The following HMGB1 variants were observed in gnomAD, a reference collection of about 807,000 sequenced individuals.
HMGB1 encodes the protein high mobility group protein B1.
For synonymous variants in HMGB1, 81 were observed against 84.0 expected (o/e 0.96, Z 0.19); for missense variants, 79 against 253.5 (o/e 0.31, Z 4.67).
intron 1 of HMGB1, among the ~76,000 whole-genome samples, chr13:30,579,361 A>G (rs2137541251): frequency 6.6e-6 from 1 of 152,358 alleles, no homozygotes; most frequent in African/African-American, 2.4e-5. Context: ...GTGTACCTGT[A>G]TATTGGACTG....
intron 1 of HMGB1, among the ~76,000 whole-genome samples, chr13:30,577,005 G>A (rs996591985): frequency 1.3e-5 from 2 of 152,130 alleles, no homozygotes; most frequent in African/African-American, 4.8e-5. Flanking sequence ...GGTTCAGTGA[G>A]GTCAAAGGTG....
chr13:30,562,764 G>A (rs1254967821), intron 1 of HMGB1, among the ~76,000 whole-genome samples: 1 of 152,212 alleles, frequency 6.6e-6, no homozygotes, highest in Admixed American at 6.5e-5. Context: ...GGGTTGGTTG[G>A]AGACGGTACG....
intron 1 of HMGB1, among the ~76,000 whole-genome samples, chr13:30,499,288 G>A (rs545977058): frequency 2.8e-4 from 42 of 152,252 alleles, no homozygotes; most frequent in African/African-American, 9.1e-4. Context: ...TCTTCGCCCC[G>A]AAGATGGGTT....
chr13:30,474,854 G>GT (rs1275635810), intron 1 of HMGB1, among the ~76,000 whole-genome samples: 2,072 of 67,616 alleles, frequency 0.031, 52 homozygotes, highest in African/African-American at 0.093. Flanking sequence ...CTCTTTTTTT[G>GT]TTTTTTTTTT....
chr13:30,522,993 C>T (rs562396561), intron 1 of HMGB1, among the ~76,000 whole-genome samples: 4 of 152,144 alleles, frequency 2.6e-5, no homozygotes, highest in African/African-American at 7.2e-5. Context: ...GGATTACAGG[C>T]GTGAGCCACT....
chr13:30,532,636 G>A (rs2137488024), intron 1 of HMGB1, among the ~76,000 whole-genome samples: 1 of 152,198 alleles, frequency 6.6e-6, no homozygotes, highest in East Asian at 1.9e-4. Flanking sequence ...AACCTCCTGA[G>A]TAGCTGGGAC....
upstream of HMGB1, among the ~76,000 whole-genome samples, chr13:30,469,193 G>C (rs915258503): frequency 5.3e-5 from 8 of 152,042 alleles, no homozygotes; most frequent in African/African-American, 1.7e-4. Context: ...ACCCGGCCAA[G>C]TTATTGGGTG....
At position 30,559,086 on chromosome 13, in the gene HMGB1, A is replaced by G. The variant is rs1467019397; in HGVS notation, c.-15+57585T>C. Among the ~76,000 whole-genome samples the G allele has an allele frequency of 2.0e-5, 3 of 152,138 alleles. No homozygotes were observed. The highest frequency in any genetic ancestry group is 4.4e-5 in the Non-Finnish European group (3 of 68,008). ...CTATAGTTACTTTTAATTTTTAAAA[A>G]TATCTTTTGAGGACTTCTCTAGAAA... On this transcript the variant is annotated intron_variant, in intron 1 of 4. Transcript: ENST00000405805. This position sits in a 1 kb window ranked among gnomAD's most constrained non-coding sequence, Gnocchi z 6.6.
intron 1 of HMGB1, among the ~76,000 whole-genome samples, chr13:30,519,433 C>T (rs563363315): frequency 1.4e-4 from 21 of 148,266 alleles, no homozygotes; most frequent in South Asian, 8.7e-4. Flanking sequence ...CGGTGGTTCA[C>T]GCCTGTAATC....
intron 1 of HMGB1, among the ~76,000 whole-genome samples, chr13:30,536,738 TC>T (rs1224119828): frequency 6.6e-6 from 1 of 152,232 alleles, no homozygotes; most frequent in African/African-American, 2.4e-5. Context: ...TTTCTTGACA[TC>T]TTTTTGTTTT....
chr13:30,478,549 A>G (rs531395049), intron 1 of HMGB1, among the ~76,000 whole-genome samples: 33 of 152,350 alleles, frequency 2.2e-4, no homozygotes, highest in Non-Finnish European at 4.7e-4. Context: ...TGTGAGAAAA[A>G]CTATTTTCAG....
chr13:30,462,384 T>C, intron 4 of HMGB1, 154 bp downstream of exon 4: 1 of 763,072 alleles, frequency 1.3e-6, no homozygotes, highest in Admixed American at 1.8e-5. Flanking sequence ...CCCTAATTTA[T>C]TTGGTCCTCT....
At chr13:30,615,218 C>A (rs1381310187) in intron 1 of HMGB1, among the ~76,000 whole-genome samples, 3 of 152,146 alleles carry the variant, frequency 2.0e-5, no homozygotes, top group African/African-American at 7.2e-5. Flanking sequence ...CCTAACACAT[C>A]TGAATTTACT....
At chr13:30,505,755 T>G (rs1306848176) in intron 1 of HMGB1, among the ~76,000 whole-genome samples, 1 of 152,186 alleles carries the variant, frequency 6.6e-6, no homozygotes, top group African/African-American at 2.4e-5. Context: ...TGTGAAGCAA[T>G]GATTTCATCT....
chr13:30,494,257 G>T (rs1887562184), intron 1 of HMGB1, among the ~76,000 whole-genome samples: 1 of 152,044 alleles, frequency 6.6e-6, no homozygotes, highest in South Asian at 2.1e-4. Context: ...ACTTTCATTT[G>T]TATCTTTAAA....
At chr13:30,473,292 T>G (rs185224132) in intron 1 of HMGB1, among the ~76,000 whole-genome samples, 1 of 152,230 alleles carries the variant, frequency 6.6e-6, no homozygotes, top group Non-Finnish European at 1.5e-5. Flanking sequence ...CAAAGCTAAT[T>G]TATATCAATA....
intron 1 of HMGB1, among the ~76,000 whole-genome samples, chr13:30,592,871 TAAAAA>T (rs376893348): frequency 2.3e-4 from 32 of 139,230 alleles, no homozygotes; most frequent in African/African-American, 7.7e-4. Context: ...TGCTTTTTTT[TAAAAA>T]AAAAAAAAAA....
chr13:30,585,274 C>T (rs529315113), intron 1 of HMGB1, among the ~76,000 whole-genome samples: 28 of 151,952 alleles, frequency 1.8e-4, no homozygotes, highest in Admixed American at 1.6e-3. Context: ...GGGTAGCCCG[C>T]GCCACTGCAC....
upstream of HMGB1, among the ~76,000 whole-genome samples, chr13:30,466,516 TAAGA>T (rs1886791667): frequency 1.3e-5 from 2 of 152,148 alleles, no homozygotes; most frequent in South Asian, 4.1e-4. Flanking sequence ...AGGGCTTCTA[TAAGA>T]AAGTGACATG....
Sources: gnomAD v4.1 joint callset for allele counts (sites outside exome capture counted in the v4.1 genomes callset) on GRCh38, gnomAD v4.1.1 for gene constraint, Gnocchi (gnomAD v3.1) non-coding constraint, MANE v1.5 for transcripts, NCBI Gene and HGNC (gene_info 2026-07-23, HGNC 2026-07-21) for gene names.